Variants in LRRC69 observed in about 807,000 individuals in gnomAD.
The protein encoded by LRRC69 is leucine rich repeat containing 69, also known as leucine-rich repeat-containing protein 69.
LRRC69 carries 42 observed loss-of-function variants against 37.8 expected under a neutral mutation model. The ratio of observed to expected loss-of-function variants is 1.11; its 90% CI spans 0.87 to 1.44. LRRC69 has a LOEUF of 1.44. Among genes scored for constraint, LRRC69 ranks in the 40% most tolerant of loss-of-function variants. LRRC69 has a pLI of 0.00. For missense variants in LRRC69, 357 were observed against 401.9 expected, an observed-to-expected ratio of 0.89 and a Z score of 0.96; for synonymous variants, 141 against 143.1, an observed-to-expected ratio of 0.99 and a Z score of 0.11.
chr8:91,188,829 T>C (rs915365654), intron 5 of LRRC69, among the ~76,000 whole-genome samples: 39 of 151,710 alleles, frequency 2.6e-4, no homozygotes, highest in Admixed American at 7.2e-4. Context: ...ATATCTTCCG[T>C]CTTCTGTTTT....
rs186768015 is a variant in LRRC69 at position 91,117,151 on chromosome 8, T to C, written c.184-7342T>C. On this transcript the variant is annotated intron_variant, in intron 1 of 7. Transcript: ENST00000448384. The stretch of plus-strand genomic sequence containing the variant: ...CTATCTACAGGGAGGTTGGAAACAT[T>C]TAGGATATACTGGGTAGAGAAATTA... 4.1e-3 allele frequency among the ~76,000 whole-genome samples: 631 copies of C among 152,054 alleles called. 11 individuals carry two copies. Among genetic ancestry groups the C allele is most frequent in the Middle Eastern group, 0.01 (3 of 294 alleles).
At chr8:91,108,063 A>G (rs1470905601) in intron 1 of LRRC69, among the ~76,000 whole-genome samples, 1 of 152,100 alleles carries the variant, frequency 6.6e-6, no homozygotes, top group Admixed American at 6.6e-5. Context: ...GACATGTATC[A>G]TAAAGTCCAA....
intron 5 of LRRC69, among the ~76,000 whole-genome samples, chr8:91,156,621 T>G (rs1223304557): frequency 6.6e-6 from 1 of 151,030 alleles, no homozygotes; most frequent in Non-Finnish European, 1.5e-5. Flanking sequence ...TGGTTTGGAG[T>G]ATTTTTTAAT....
intron 5 of LRRC69, among the ~76,000 whole-genome samples, chr8:91,163,108 A>T (rs143946967): frequency 1.4e-3 from 207 of 151,456 alleles, no homozygotes; most frequent in African/African-American, 4.7e-3. Flanking sequence ...TGTATTATAT[A>T]GATCTCAGCT....
intron 1 of LRRC69, among the ~76,000 whole-genome samples, chr8:91,113,991 AAAAG>A (rs1320843421): frequency 2.7e-5 from 4 of 150,752 alleles, no homozygotes; most frequent in Admixed American, 2.6e-4. Flanking sequence ...AAAAAAAAAA[AAAAG>A]GTAAAGGACC....
intron 7 of LRRC69, chr8:91,206,888 G>A: frequency 8.0e-7 from 1 of 1,254,042 alleles, no homozygotes; most frequent in Admixed American, 2.4e-5. Context: ...TAGAGGATAT[G>A]GGCAGGGAAC....
chr8:91,131,960 T>C (rs990187065), intron 3 of LRRC69, among the ~76,000 whole-genome samples: 2 of 151,950 alleles, frequency 1.3e-5, no homozygotes, highest in Non-Finnish European at 2.9e-5. Context: ...CTCTCTCTTC[T>C]CTCTGCCCAT....
At chr8:91,198,329 G>A (rs949997649) in intron 6 of LRRC69, among the ~76,000 whole-genome samples, 1 of 152,050 alleles carries the variant, frequency 6.6e-6, no homozygotes, top group Non-Finnish European at 1.5e-5. Flanking sequence ...GGAAGTTAAG[G>A]GTTCATCCAA....
exon 1 of LRRC69, chr8:91,102,676 G>C (rs1178740127): frequency 6.5e-7 from 1 of 1,550,346 alleles, no homozygotes; most frequent in African/African-American, 1.4e-5. Context: ...CTGAGAGATT[G>C]TTAATAAAAG....
intron 1 of LRRC69, among the ~76,000 whole-genome samples, chr8:91,111,653 G>A (rs971215913): frequency 6.6e-6 from 1 of 151,972 alleles, no homozygotes; most frequent in African/African-American, 2.4e-5. Flanking sequence ...ACCACATGTT[G>A]TCACTTATAA....
chr8:91,215,457 A>G (rs1305584520), intron 7 of LRRC69, among the ~76,000 whole-genome samples: 1 of 152,204 alleles, frequency 6.6e-6, no homozygotes, highest in Non-Finnish European at 1.5e-5. Flanking sequence ...CTACCATTCA[A>G]CAAACATAAA....
intron 5 of LRRC69, among the ~76,000 whole-genome samples, chr8:91,169,101 T>A (rs186246374): frequency 2.0e-5 from 3 of 152,048 alleles, no homozygotes; most frequent in Admixed American, 2.0e-4. Context: ...CTTTATAAAA[T>A]ATTGTCCTTT....
chr8:91,159,789 T>G (rs1392569997), intron 5 of LRRC69, among the ~76,000 whole-genome samples: 1 of 151,134 alleles, frequency 6.6e-6, no homozygotes, highest in East Asian at 1.9e-4. Context: ...CTCAAAAACA[T>G]AGAGAAATCT....
chr8:91,195,302 G>GA (rs1259750027), intron 6 of LRRC69, among the ~76,000 whole-genome samples: 5 of 151,676 alleles, frequency 3.3e-5, no homozygotes, highest in Non-Finnish European at 7.4e-5. Flanking sequence ...GTGTGGTGCT[G>GA]AAAAAAATGT....
intron 5 of LRRC69, among the ~76,000 whole-genome samples, chr8:91,179,707 G>C (rs909618333): frequency 2.0e-5 from 3 of 152,146 alleles, no homozygotes; most frequent in Middle Eastern, 3.4e-3. Flanking sequence ...TTTTTGGTAT[G>C]GATAATCAAG....
intron 5 of LRRC69, among the ~76,000 whole-genome samples, chr8:91,147,496 C>A (rs969156334): frequency 6.6e-6 from 1 of 151,318 alleles, no homozygotes; most frequent in Admixed American, 6.6e-5. Flanking sequence ...TCTTGAACTC[C>A]TGAGCTTAAG....
chr8:91,191,710 C>T (rs879496241), intron 6 of LRRC69, among the ~76,000 whole-genome samples: 2 of 152,092 alleles, frequency 1.3e-5, no homozygotes, highest in Non-Finnish European at 2.9e-5. Context: ...GCTGAATTAG[C>T]AGTTAACCCA....
At chr8:91,160,178 A>G (rs1808912843) in intron 5 of LRRC69, among the ~76,000 whole-genome samples, 1 of 139,174 alleles carries the variant, frequency 7.2e-6, no homozygotes, top group Non-Finnish European at 1.7e-5. Context: ...TTCTTGATGA[A>G]TTATTTATTA....
intron 5 of LRRC69, among the ~76,000 whole-genome samples, chr8:91,144,323 ATGT>A (rs1808580359): frequency 6.6e-6 from 1 of 151,952 alleles, no homozygotes; most frequent in Admixed American, 6.6e-5. Context: ...TCTATTCCCC[ATGT>A]TGTCTTTGCC....
Sources: gnomAD v4.1 joint callset for allele counts (sites outside exome capture counted in the v4.1 genomes callset) on GRCh38, gnomAD v4.1.1 for gene constraint, MANE v1.5 for transcripts, NCBI Gene and HGNC (gene_info 2026-07-23, HGNC 2026-07-21) for gene names.